Variants in ASTN1 observed in about 807,000 individuals in gnomAD.
ASTN1 encodes the protein astrotactin-1.
In ASTN1, 41 loss-of-function variants were observed where a neutral mutation model predicts 140.7. That is an observed-to-expected ratio of 0.29 (90% CI 0.23 to 0.38). ASTN1 has a LOEUF of 0.38. Among genes scored for constraint, ASTN1 ranks in the 10% least tolerant of loss-of-function variants. ASTN1 has a pLI of 1.00. For missense variants in ASTN1, 1,479 were observed against 1,678.8 expected, an observed-to-expected ratio of 0.88 and a Z score of 2.08; for synonymous variants, 640 against 652.2, an observed-to-expected ratio of 0.98 and a Z score of 0.29.
chr1:177,062,609 T>A (rs1678155483), intron 1 of ASTN1, among the ~76,000 whole-genome samples: 1 of 146,088 alleles, frequency 6.8e-6, no homozygotes, highest in Non-Finnish European at 1.5e-5. Context: ...GGCCAAAAAA[T>A]AATAATAATT....
chr1:177,025,436 G>C (rs570003315), intron 5 of ASTN1, among the ~76,000 whole-genome samples: 9 of 151,776 alleles, frequency 5.9e-5, no homozygotes, highest in African/African-American at 2.2e-4. Context: ...TATTTTTTTT[G>C]TACCATTGTT....
intron 1 of ASTN1, among the ~76,000 whole-genome samples, chr1:177,068,395 G>A (rs1381098722): frequency 6.6e-6 from 1 of 152,116 alleles, no homozygotes; most frequent in Non-Finnish European, 1.5e-5. Flanking sequence ...GCTGGGATTT[G>A]GAATAGAAAT....
chr1:176,869,151 TA>T, intron 21 of ASTN1, 124 bp from the exon 22 acceptor site: 3 of 608,840 alleles, frequency 4.9e-6, no homozygotes, highest in Non-Finnish European at 7.4e-6. Flanking sequence ...AGATCATTTA[TA>T]ATGTATATAT....
chr1:177,089,193 G>A lies in ASTN1; in HGVS notation c.284-27928C>T, dbSNP rs192238617. On this transcript the variant is annotated intron_variant, in intron 1 of 22. Coordinates refer to ENST00000361833, the MANE Select transcript of ASTN1 (RefSeq NM_004319.3). ...CTAATCTCATCAATGTGCAGGCATG[G>A]AGCAGGCTGAGCTCTGTGATGTATC... is the stretch of plus-strand genomic sequence containing the variant. Among the ~76,000 whole-genome samples, 16 of 152,280 alleles carry A rather than the reference G, an allele frequency of 1.1e-4. No individual in the cohort carries two copies. The East Asian group carries it at 3.1e-3, about 29-fold the overall frequency.
chr1:177,065,744 G>A (rs1678322892), intron 1 of ASTN1, among the ~76,000 whole-genome samples: 1 of 152,146 alleles, frequency 6.6e-6, no homozygotes. Context: ...CTGTGAACGT[G>A]GTGAATGCCC....
At chr1:177,021,075 G>T (rs1019450646) in intron 7 of ASTN1, among the ~76,000 whole-genome samples, 5 of 152,192 alleles carry the variant, frequency 3.3e-5, no homozygotes, top group African/African-American at 1.2e-4. Flanking sequence ...GAGTGTGGGA[G>T]GCGATAAAGT....
At chr1:177,132,523 C>A (rs940513678) in intron 1 of ASTN1, among the ~76,000 whole-genome samples, 1 of 152,162 alleles carries the variant, frequency 6.6e-6, no homozygotes, top group African/African-American at 2.4e-5. Flanking sequence ...TGCAGATATA[C>A]CAGCAGCAGG....
chr1:176,896,387 C>T (rs1669507663), intron 16 of ASTN1, among the ~76,000 whole-genome samples: 1 of 152,122 alleles, frequency 6.6e-6, no homozygotes, highest in Admixed American at 6.5e-5. Flanking sequence ...AGAACTAGCC[C>T]TCAAATCACT....
intron 2 of ASTN1, 81 bp from the exon 3 acceptor site, chr1:177,032,930 C>T (rs1676522895): frequency 2.1e-6 from 3 of 1,409,180 alleles, no homozygotes; most frequent in Non-Finnish European, 2.9e-6. Context: ...TCTGCTACCA[C>T]CATTCATCAC....
intron 17 of ASTN1, among the ~76,000 whole-genome samples, chr1:176,891,056 AAG>A (rs1011521415): frequency 2.0e-5 from 3 of 152,124 alleles, no homozygotes; most frequent in South Asian, 2.1e-4. Flanking sequence ...TAAAAAAAAA[AAG>A]AGTTTCTACT....
intron 1 of ASTN1, among the ~76,000 whole-genome samples, chr1:177,144,786 C>T (rs1021939377): frequency 2.0e-5 from 3 of 152,010 alleles, no homozygotes; most frequent in Non-Finnish European, 4.4e-5. Flanking sequence ...TAGATATGCC[C>T]TAGCATCCCA....
At chr1:176,931,977 A>T (rs922953727) in intron 16 of ASTN1, among the ~76,000 whole-genome samples, 2 of 152,236 alleles carry the variant, frequency 1.3e-5, no homozygotes, top group Non-Finnish European at 2.9e-5. Context: ...TCGGGGCTGG[A>T]GAACTAGAGA....
chr1:176,871,883 A>T (rs1668358952), intron 21 of ASTN1, among the ~76,000 whole-genome samples: 1 of 152,226 alleles, frequency 6.6e-6, no homozygotes, highest in Non-Finnish European at 1.5e-5. Context: ...TCTCTTTAAC[A>T]TTCATGATGT....
chr1:176,945,263 C>T (rs1472246429), intron 13 of ASTN1, among the ~76,000 whole-genome samples: 2 of 151,494 alleles, frequency 1.3e-5, no homozygotes, highest in African/African-American at 4.9e-5. Flanking sequence ...TATAAAAAGG[C>T]CCAATTATGT....
chr1:177,105,095 C>T (rs187046423), intron 1 of ASTN1, among the ~76,000 whole-genome samples: 14 of 152,168 alleles, frequency 9.2e-5, no homozygotes, highest in East Asian at 3.9e-4. Context: ...AACAGTGAGT[C>T]GCTTAGGAAT....
At chr1:176,875,429 T>C (rs911262215) in intron 21 of ASTN1, among the ~76,000 whole-genome samples, 1 of 152,208 alleles carries the variant, frequency 6.6e-6, no homozygotes, top group African/African-American at 2.4e-5. Flanking sequence ...GCCCTTGATA[T>C]GATCAGGTGT....
At chr1:176,948,733 G>T (rs1672059851) in intron 12 of ASTN1, among the ~76,000 whole-genome samples, 1 of 152,240 alleles carries the variant, frequency 6.6e-6, no homozygotes, top group South Asian at 2.1e-4. Flanking sequence ...TTTGGGGGCA[G>T]AATTTAGAAA....
At chr1:177,004,038 C>T (rs1674870357) in intron 8 of ASTN1, among the ~76,000 whole-genome samples, 1 of 152,110 alleles carries the variant, frequency 6.6e-6, no homozygotes, top group African/African-American at 2.4e-5. Flanking sequence ...AAGTCAAACT[C>T]TCTCTGTTTG....
At chr1:177,054,617 A>G (rs1677708534) in intron 2 of ASTN1, among the ~76,000 whole-genome samples, 2 of 152,214 alleles carry the variant, frequency 1.3e-5, no homozygotes, top group Non-Finnish European at 2.9e-5. Context: ...AACAGGGGCT[A>G]TGGTAACAAA....
Sources: allele counts gnomAD v4.1 joint callset (sites outside exome capture counted in the v4.1 genomes callset), GRCh38; gene constraint gnomAD v4.1.1; transcripts MANE v1.5; gene names NCBI Gene and HGNC (gene_info 2026-07-23, HGNC 2026-07-21).